The following IGF1 variants were observed in gnomAD, a reference collection of about 807,000 sequenced individuals.
IGF1 encodes insulin like growth factor 1, also known as insulin-like growth factor 1.
A neutral mutation model predicts 13.8 loss-of-function variants in IGF1; 4 were observed. The observed-to-expected ratio is 0.29, with a 90% CI of 0.14 to 0.66. The LOEUF (loss-of-function observed/expected upper bound fraction) is 0.66. IGF1 is among the 30% of genes least tolerant of loss of function. The pLI is 0.78. For missense variants in IGF1, 124 were observed against 188.5 expected, an observed-to-expected ratio of 0.66 and a Z score of 2.00; for synonymous variants, 76 against 72.6, an observed-to-expected ratio of 1.05 and a Z score of -0.23.
chr12:102,411,086 CAT>C (rs1491148983), intron 3 of IGF1, among the ~76,000 whole-genome samples: 1 of 152,126 alleles, frequency 6.6e-6, no homozygotes, highest in African/African-American at 2.4e-5. Context: ...AAGAAGAAAA[CAT>C]ATTATTATTT....
intron 1 of IGF1, chr12:102,478,612 G>T: frequency 6.5e-7 from 1 of 1,541,346 alleles, no homozygotes; most frequent in Non-Finnish European, 8.8e-7. Flanking sequence ...TGGGGTTTGT[G>T]AAAGCATCTA....
At chr12:102,405,963 T>G (rs910049642) in intron 3 of IGF1, among the ~76,000 whole-genome samples, 2 of 152,200 alleles carry the variant, frequency 1.3e-5, no homozygotes, top group Non-Finnish European at 2.9e-5. Context: ...AGGTATAAAG[T>G]GTAAAGTCTG....
At chr12:102,448,612 C>G (rs567543271) in intron 2 of IGF1, among the ~76,000 whole-genome samples, 1 of 144,648 alleles carries the variant, frequency 6.9e-6, no homozygotes, top group Admixed American at 7.1e-5. Flanking sequence ...GTGGGTGCAG[C>G]GTACCAGCAT....
At chr12:102,412,172 A>T (rs1294759958) in intron 3 of IGF1, among the ~76,000 whole-genome samples, 2 of 152,154 alleles carry the variant, frequency 1.3e-5, no homozygotes, top group African/African-American at 2.4e-5. Flanking sequence ...CCCTCCAATA[A>T]TGTCCTCTCT....
intron 3 of IGF1, among the ~76,000 whole-genome samples, chr12:102,416,250 G>A (rs1005132517): frequency 3.9e-5 from 6 of 152,176 alleles, no homozygotes; most frequent in East Asian, 1.9e-4. Context: ...GAGAACTTCC[G>A]TCTTGTACCC....
chr12:102,428,071 C>T (rs1876368446), intron 2 of IGF1, among the ~76,000 whole-genome samples: 2 of 151,456 alleles, frequency 1.3e-5, no homozygotes, highest in African/African-American at 2.4e-5. Context: ...CATTGGATTA[C>T]AGCCCCAAAT....
intron 2 of IGF1, among the ~76,000 whole-genome samples, chr12:102,441,913 C>CCTCT (rs1877791717): frequency 9.0e-5 from 11 of 122,176 alleles, no homozygotes; most frequent in Admixed American, 2.8e-4. Context: ...ACTGCTTCTT[C>CCTCT]TCCTTCTTCT....
At chr12:102,409,561 A>G (rs1482991565) in intron 3 of IGF1, among the ~76,000 whole-genome samples, 4 of 152,240 alleles carry the variant, frequency 2.6e-5, no homozygotes, top group Admixed American at 2.6e-4. Flanking sequence ...CAAATAGCAC[A>G]GAACCCCCTG....
At chr12:102,418,039 A>G (rs764968381) in intron 3 of IGF1, 1 of 1,601,788 alleles carries the variant, frequency 6.2e-7, no homozygotes, top group African/African-American at 1.4e-5. Context: ...ATTGAGAACA[A>G]GTGGTTCCCA....
chr12:102,478,460 G>C, intron 1 of IGF1: 1 of 1,550,384 alleles, frequency 6.5e-7, no homozygotes, highest in Non-Finnish European at 8.8e-7. Flanking sequence ...TAAAATTTGA[G>C]GGCAACAGTC....
At chr12:102,448,701 A>T (rs201573531) in intron 2 of IGF1, among the ~76,000 whole-genome samples, 32,132 of 145,940 alleles carry the variant, frequency 0.22, 4,418 homozygotes, top group African/African-American at 0.43. Context: ...AAAAAAAAAA[A>T]AAAAAAAAAA....
chr12:102,468,071 T>C (rs1035947593), intron 2 of IGF1, among the ~76,000 whole-genome samples: 15 of 152,256 alleles, frequency 9.9e-5, no homozygotes, highest in African/African-American at 3.6e-4. Context: ...CGGGTAGTTT[T>C]AAGAGGGAGA....
At chr12:102,439,987 G>A (rs1334306484) in intron 2 of IGF1, among the ~76,000 whole-genome samples, 4 of 152,186 alleles carry the variant, frequency 2.6e-5, no homozygotes, top group Non-Finnish European at 5.9e-5. Context: ...CTGAGCAATT[G>A]CTACTCTGGA....
At chr12:102,410,385 CTTA>C (rs1419272693) in intron 3 of IGF1, among the ~76,000 whole-genome samples, 1 of 152,142 alleles carries the variant, frequency 6.6e-6, no homozygotes, top group Non-Finnish European at 1.5e-5. Flanking sequence ...AATGTTTAAG[CTTA>C]TTATCTTTCG....
rs4764882 is a variant in IGF1, at chr12:102,409,565, C to A, written c.403-6999G>T. On this transcript the variant is annotated intron_variant, in intron 3 of 3. Transcript: ENST00000337514. ...CTCTACAAGGACAAATAGCACAGAA[C>A]CCCCTGCCATCTCATACAAGTGACA... Among the ~76,000 whole-genome samples the A allele has an allele frequency of 5.6e-3, 854 of 152,286 alleles. 27 individuals are homozygous for A. The highest frequency in any genetic ancestry group is 0.039 in the Admixed American group (600 of 15,300).
chr12:102,462,412 A>G (rs527338527), intron 2 of IGF1, among the ~76,000 whole-genome samples: 3 of 152,206 alleles, frequency 2.0e-5, no homozygotes, highest in Admixed American at 2.0e-4. Flanking sequence ...CTAAGTGGCC[A>G]GTGTCTACTT....
intron 2 of IGF1, among the ~76,000 whole-genome samples, chr12:102,446,103 G>A (rs963621595): frequency 6.6e-6 from 1 of 152,186 alleles, no homozygotes; most frequent in Non-Finnish European, 1.5e-5. Context: ...GCTTTTTGAT[G>A]TGCTGCTGGA....
intron 1 of IGF1, among the ~76,000 whole-genome samples, chr12:102,479,636 T>C (rs1002341778): frequency 1.3e-5 from 2 of 152,198 alleles, no homozygotes; most frequent in African/African-American, 2.4e-5. Flanking sequence ...AAGCAGCTCT[T>C]AGAAAGTTTC....
At chr12:102,451,238 C>G (rs1338448903) in intron 2 of IGF1, among the ~76,000 whole-genome samples, 2 of 152,186 alleles carry the variant, frequency 1.3e-5, no homozygotes, top group East Asian at 3.9e-4. Context: ...TTATCAAAAC[C>G]TGTAACTCTT....
Sources: gnomAD v4.1 joint callset for allele counts (sites outside exome capture counted in the v4.1 genomes callset) on GRCh38, gnomAD v4.1.1 for gene constraint, MANE v1.5 for transcripts, NCBI Gene and HGNC (gene_info 2026-07-23, HGNC 2026-07-21) for gene names.